SAMD5: variants seen among roughly 807,000 people sequenced by gnomAD.
SAMD5 encodes the protein sterile alpha motif domain-containing protein 5.
A neutral mutation model predicts 11.3 loss-of-function variants in SAMD5; 13 were observed. The ratio of observed to expected loss-of-function variants is 1.15; its 90% CI spans 0.75 to 1.83. The LOEUF is 1.83. Ranked by LOEUF, SAMD5 falls within the 40% of genes most tolerant of loss-of-function variation. The probability of loss-of-function intolerance (pLI) is 0.00; values close to 1 mark genes in which losing one functional copy is unlikely to be tolerated. For missense variants in SAMD5, 255 were observed against 239.1 expected (o/e 1.07, Z -0.44); for synonymous variants, 129 against 111.3 (o/e 1.16, Z -1.00).
downstream of SAMD5, chr6:147,741,417 CTGA>C (rs1307150398): frequency 6.6e-6 from 1 of 152,144 alleles, no homozygotes; most frequent in African/African-American, 2.4e-5. Flanking sequence ...AGGGGTTTTA[CTGA>C]ATTGAGCAAT....
chr6:147,717,856 CACAAAACAAA>C (rs142280809), intron 1 of SAMD5, among the ~76,000 whole-genome samples: 2,445 of 151,012 alleles, frequency 0.016, 29 homozygotes, highest in Admixed American at 0.037. Context: ...GTCTCAAAAA[CACAAAACAAA>C]ACAAAACAAA....
chr6:147,904,348 G>T, the SAMD5 span, among the ~76,000 whole-genome samples: 1 of 152,110 alleles, frequency 6.6e-6, no homozygotes. Context: ...ATGGACTCTA[G>T]CTCTAGTCCT....
At chr6:147,673,633 A>G (rs1790826330) in intron 1 of SAMD5, among the ~76,000 whole-genome samples, 1 of 152,176 alleles carries the variant, frequency 6.6e-6, no homozygotes, top group Non-Finnish European at 1.5e-5. Flanking sequence ...TAAAAGCAAG[A>G]TATAGTAACC....
At chr6:147,679,455 G>A (rs73011938) in intron 1 of SAMD5, among the ~76,000 whole-genome samples, 17,458 of 151,958 alleles carry the variant, frequency 0.11, 1,103 homozygotes, top group African/African-American at 0.16. Flanking sequence ...TCTTTGGTGA[G>A]GTGTCAGTTC....
At chr6:147,948,295 G>A in the SAMD5 span, among the ~76,000 whole-genome samples, 5 of 147,710 alleles carry the variant, frequency 3.4e-5, no homozygotes, top group South Asian at 1.1e-3. Flanking sequence ...AAAAAAACAC[G>A]AATCATTTGA....
chr6:147,566,642 C>T lies in SAMD5; in HGVS notation c.*2186C>T, dbSNP rs1252935311. 1 of 980,860 alleles carries T rather than the reference C, an allele frequency of 1.0e-6. No homozygotes were observed. Among genetic ancestry groups the T allele is most frequent in the Non-Finnish European group, 1.2e-6 (1 of 825,510 alleles). 60.8% of individuals were successfully genotyped at this position (980,860 alleles called of 1,614,324 possible). ...TTATTTTGCCAGGTTTAAACCTTCT[C>T]TCTGTGTCTGTGGTTAGAATTTGAA... On this transcript the variant is annotated 3_prime_UTR_variant, in exon 2 of 2. Coordinates refer to ENST00000367474, the MANE Select transcript of SAMD5 (RefSeq NM_001030060.3).
intron 1 of SAMD5, among the ~76,000 whole-genome samples, chr6:147,547,307 C>A (rs1788701641): frequency 6.6e-6 from 1 of 152,250 alleles, no homozygotes; most frequent in Non-Finnish European, 1.5e-5. Context: ...TGACTGGATT[C>A]TCTGCTCAGA....
At chr6:147,690,316 G>A (rs917131304) in intron 1 of SAMD5, among the ~76,000 whole-genome samples, 6 of 152,144 alleles carry the variant, frequency 3.9e-5, no homozygotes, top group Non-Finnish European at 7.3e-5. Context: ...GTAGGCTAAT[G>A]CTGACCTATG....
At chr6:147,814,955 TA>T in the SAMD5 span, among the ~76,000 whole-genome samples, 1 of 152,222 alleles carries the variant, frequency 6.6e-6, no homozygotes. Context: ...GGACCCCTGC[TA>T]AGGACAGGTA....
chr6:147,524,470 A>C (rs185799212), intron 1 of SAMD5, among the ~76,000 whole-genome samples: 11 of 151,380 alleles, frequency 7.3e-5, no homozygotes, highest in African/African-American at 2.7e-4. Flanking sequence ...GAGCGCCTAT[A>C]ATAGTGAACC....
intron 1 of SAMD5, among the ~76,000 whole-genome samples, chr6:147,615,850 T>C (rs1184006175): frequency 1.3e-5 from 2 of 152,216 alleles, no homozygotes; most frequent in East Asian, 1.9e-4. Flanking sequence ...CAGTTTGAAA[T>C]ATACCAAAGA....
chr6:147,648,224 TAC>T (rs934272974), intron 1 of SAMD5, among the ~76,000 whole-genome samples: 25 of 152,132 alleles, frequency 1.6e-4, no homozygotes, highest in African/African-American at 5.6e-4. Flanking sequence ...TCAGGAAACT[TAC>T]AGTCATGGCA....
At chr6:147,643,921 G>T (rs1024750359) in intron 1 of SAMD5, among the ~76,000 whole-genome samples, 1 of 139,914 alleles carries the variant, frequency 7.1e-6, no homozygotes, top group Non-Finnish European at 1.6e-5. Flanking sequence ...GCAAGGGTTT[G>T]TCTGGGATCT....
intron 1 of SAMD5, among the ~76,000 whole-genome samples, chr6:147,706,654 A>G (rs9497847): frequency 0.082 from 12,526 of 152,260 alleles, 555 homozygotes; most frequent in Middle Eastern, 0.13. Context: ...GGGGATGTGA[A>G]GCCTGACTTT....
downstream of SAMD5, among the ~76,000 whole-genome samples, chr6:147,571,203 G>A (rs919346298): frequency 1.3e-5 from 2 of 152,146 alleles, no homozygotes; most frequent in Non-Finnish European, 2.9e-5. Context: ...AAAAGTTCAC[G>A]ATACTGGTGG....
chr6:147,629,033 G>A (rs983406353), intron 1 of SAMD5, among the ~76,000 whole-genome samples: 2 of 152,150 alleles, frequency 1.3e-5, no homozygotes, highest in Admixed American at 6.5e-5. Context: ...GCTCACGCGT[G>A]TAATCCCAGC....
chr6:147,533,958 C>T (rs1001484363), intron 1 of SAMD5, among the ~76,000 whole-genome samples: 1 of 152,198 alleles, frequency 6.6e-6, no homozygotes, highest in Non-Finnish European at 1.5e-5. Context: ...AGACTGATGT[C>T]TTACAAAAAT....
intron 1 of SAMD5, among the ~76,000 whole-genome samples, chr6:147,628,740 G>C (rs1355705208): frequency 6.6e-6 from 1 of 152,094 alleles, no homozygotes; most frequent in Non-Finnish European, 1.5e-5. Flanking sequence ...ATGGGAATAG[G>C]GGAGAGGCCA....
chr6:147,610,412 CGTT>C (rs1274576950), intron 1 of SAMD5, among the ~76,000 whole-genome samples: 2 of 152,154 alleles, frequency 1.3e-5, no homozygotes, highest in African/African-American at 4.8e-5. Context: ...TGCCAGGCGA[CGTT>C]GTATGTAAGC....
Sources: allele counts gnomAD v4.1 joint callset (sites outside exome capture counted in the v4.1 genomes callset), GRCh38; gene constraint gnomAD v4.1.1; transcripts MANE v1.5; gene names NCBI Gene and HGNC (gene_info 2026-07-23, HGNC 2026-07-21).